RAP1GAP2: variants seen among roughly 807,000 people sequenced by gnomAD.
The protein encoded by RAP1GAP2 is RAP1 GTPase activating protein 2.
A neutral mutation model predicts 95.0 loss-of-function variants in RAP1GAP2; 27 were observed. That is an observed-to-expected ratio of 0.28 (90% confidence interval 0.21 to 0.39). The LOEUF (loss-of-function observed/expected upper bound fraction) is 0.39. RAP1GAP2 is among the 10% of genes least tolerant of loss of function. The pLI, the probability that RAP1GAP2 is intolerant of heterozygous loss-of-function variation, is 1.00. For synonymous variants in RAP1GAP2, 373 were observed against 380.9 expected (o/e 0.98, Z 0.24); for missense variants, 771 against 970.0 (o/e 0.79, Z 2.72).
chr17:2,854,840 C>T (rs2072064308), intron 2 of RAP1GAP2, among the ~76,000 whole-genome samples: 1 of 152,132 alleles, frequency 6.6e-6, no homozygotes, highest in Non-Finnish European at 1.5e-5. Context: ...CACAAAGCCT[C>T]CCTGTTCTGC....
intron 11 of RAP1GAP2, among the ~76,000 whole-genome samples, chr17:2,990,052 C>G (rs575697382): frequency 1.3e-5 from 2 of 152,156 alleles, no homozygotes; most frequent in Non-Finnish European, 2.9e-5. Context: ...TTATCCAGGT[C>G]GTAGTATGTA....
At chr17:2,799,733 AG>A (rs2069200493) in intron 1 of RAP1GAP2, among the ~76,000 whole-genome samples, 1 of 152,132 alleles carries the variant, frequency 6.6e-6, no homozygotes, top group Non-Finnish European at 1.5e-5. Context: ...CCACAAGAGG[AG>A]ATACTGACAG....
At position 2,957,809 on chromosome 17, in the gene RAP1GAP2, C is replaced by G. The variant is rs770298131; in HGVS notation, c.201+15C>G. The G allele has an allele frequency of 1.8e-5, 29 of 1,578,106 alleles. No individual in the cohort carries two copies. Among genetic ancestry groups the G allele is most frequent in the Non-Finnish European group, 2.2e-5 (25 of 1,160,306 alleles). On this transcript the variant is annotated intron_variant, in intron 4 of 24. Transcript: ENST00000254695. ...AGAAAATGCAGGTGAGTACGTACCC[C>G]CACCGTGGCGGGGAAGAAGCCCAGC...
At chr17:2,844,379 AT>A (rs1476592628) in intron 2 of RAP1GAP2, among the ~76,000 whole-genome samples, 1 of 152,028 alleles carries the variant, frequency 6.6e-6, no homozygotes. Context: ...TGGGAACTGA[AT>A]TTTTTTCCCC....
intron 2 of RAP1GAP2, among the ~76,000 whole-genome samples, chr17:2,813,075 CTTT>C (rs576292173): frequency 7.0e-6 from 1 of 142,320 alleles, no homozygotes; most frequent in Admixed American, 7.0e-5. Flanking sequence ...AGCATCAGTA[CTTT>C]TTTTTTTTTT....
intron 2 of RAP1GAP2, among the ~76,000 whole-genome samples, chr17:2,849,069 G>C (rs2071710803): frequency 6.6e-6 from 1 of 152,198 alleles, no homozygotes; most frequent in Admixed American, 6.5e-5. Flanking sequence ...GAGCAGGTGT[G>C]TGTATGTGTG....
intron 3 of RAP1GAP2, among the ~76,000 whole-genome samples, chr17:2,920,202 A>G (rs1250106971): frequency 6.6e-6 from 1 of 152,098 alleles, no homozygotes; most frequent in African/African-American, 2.4e-5. Flanking sequence ...AATTCGTAGA[A>G]GCAGGGTCTC....
intron 2 of RAP1GAP2, among the ~76,000 whole-genome samples, chr17:2,862,161 C>T (rs548697292): frequency 1.2e-4 from 19 of 152,246 alleles, no homozygotes; most frequent in East Asian, 3.9e-4. Flanking sequence ...CAGCCATGAC[C>T]GTCCTGAAGC....
Position 2,796,656 on chromosome 17 carries a change from C to G in RAP1GAP2, c.44+85C>G. On this transcript the variant is annotated intron_variant, in intron 1 of 24. Transcript: ENST00000254695. This position sits in a 1 kb window ranked among gnomAD's most constrained non-coding sequence, Gnocchi z 4.7. ...TTAAGTGCATTGGCGGCCGTGGGAA[C>G]AGAGGGGCTCGGGCTGTGCCTGAGA... is the stretch of plus-strand genomic sequence containing the variant. 6.8e-7 allele frequency: 1 copy of G among 1,464,098 alleles called. No homozygotes were observed. Among genetic ancestry groups the G allele is most frequent in the Non-Finnish European group, 9.4e-7 (1 of 1,067,950 alleles). 90.7% of individuals were successfully genotyped at this position (1,464,098 alleles called of 1,614,324 possible). A position where few individuals can be genotyped will look rare whatever the true frequency, so the allele number is the denominator to read the frequency against.
intron 2 of RAP1GAP2, among the ~76,000 whole-genome samples, chr17:2,896,507 G>A (rs35630995): frequency 0.36 from 54,586 of 152,056 alleles, 10,157 homozygotes; most frequent in Admixed American, 0.5. Flanking sequence ...CATAGAACTC[G>A]GAATCTCTGC....
chr17:2,805,892 G>A (rs1480608741), intron 2 of RAP1GAP2, among the ~76,000 whole-genome samples: 1 of 152,094 alleles, frequency 6.6e-6, no homozygotes, highest in African/African-American at 2.4e-5. Context: ...TCCACTGCTG[G>A]AGCACATTCT....
At chr17:2,888,724 T>C (rs914351961) in intron 2 of RAP1GAP2, among the ~76,000 whole-genome samples, 5 of 151,402 alleles carry the variant, frequency 3.3e-5, no homozygotes, top group Admixed American at 3.3e-4. Flanking sequence ...CGATCTCAGC[T>C]TGCTGCAACC....
chr17:2,958,387 A>G (rs1167025349), intron 4 of RAP1GAP2, among the ~76,000 whole-genome samples: 1 of 152,078 alleles, frequency 6.6e-6, no homozygotes, highest in African/African-American at 2.4e-5. Flanking sequence ...GTTCCTCACC[A>G]GGGTCAGGGC....
At chr17:2,954,542 G>T (rs2151465641) in intron 3 of RAP1GAP2, among the ~76,000 whole-genome samples, 1 of 152,146 alleles carries the variant, frequency 6.6e-6, no homozygotes, top group Non-Finnish European at 1.5e-5. Context: ...GAGGGAATTT[G>T]TCATCCATTT....
intron 3 of RAP1GAP2, among the ~76,000 whole-genome samples, chr17:2,933,509 C>T (rs1195841204): frequency 2.6e-5 from 4 of 152,132 alleles, no homozygotes; most frequent in East Asian, 1.9e-4. Flanking sequence ...CAACACCTCC[C>T]TTTTCTCCCA....
intron 2 of RAP1GAP2, among the ~76,000 whole-genome samples, chr17:2,802,714 G>C (rs55700766): frequency 1.3e-5 from 2 of 151,722 alleles, no homozygotes; most frequent in African/African-American, 4.8e-5. Context: ...AAAAAAAAAA[G>C]TCTAGAGCTG....
rs535945866 is a variant in RAP1GAP2 at position 2,943,223 on chromosome 17, C to G, written c.166-14536C>G. The stretch of plus-strand genomic sequence containing the variant: ...ATTTTATAGAGATTGAATTATTAGG[C>G]TTCTGCACAGCAAAGGAAACAATCA... On this transcript the variant is annotated intron_variant, in intron 3 of 24. Transcript: ENST00000254695. Among the ~76,000 whole-genome samples the G allele has an allele frequency of 1.5e-4, 23 of 152,046 alleles. 1 individual carries two copies. The South Asian group carries it at 4.4e-3, about 29-fold the overall frequency.
intron 1 of RAP1GAP2, among the ~76,000 whole-genome samples, chr17:2,756,499 T>A (rs1184290089): frequency 6.6e-6 from 1 of 152,176 alleles, no homozygotes; most frequent in African/African-American, 2.4e-5. Flanking sequence ...TGTCCCAATG[T>A]TCAGGACGGC....
intron 11 of RAP1GAP2, among the ~76,000 whole-genome samples, chr17:2,988,862 C>T (rs1041469110): frequency 6.6e-6 from 1 of 152,136 alleles, no homozygotes; most frequent in Non-Finnish European, 1.5e-5. Context: ...GAGATTGAGA[C>T]CATCCTGGCT....
Sources: allele counts gnomAD v4.1 joint callset (sites outside exome capture counted in the v4.1 genomes callset), GRCh38; gene constraint gnomAD v4.1.1; non-coding constraint Gnocchi (gnomAD v3.1); transcripts MANE v1.5; gene names NCBI Gene and HGNC (gene_info 2026-07-23, HGNC 2026-07-21).